The following RBFOX2 variants were observed in gnomAD, a reference collection of about 807,000 sequenced individuals.
The protein encoded by RBFOX2 is RNA binding fox-1 homolog 2.
Under a neutral mutation model 49.1 loss-of-function variants are expected in RBFOX2, and 10 were observed. The ratio of observed to expected loss-of-function variants is 0.20; its 90% CI spans 0.13 to 0.35. RBFOX2 has a LOEUF of 0.35. RBFOX2 is among the 10% of genes least tolerant of loss of function. The pLI is 1.00. For missense variants in RBFOX2, 323 were observed against 486.9 expected (o/e 0.66, Z 3.17); for synonymous variants, 183 against 187.4 (o/e 0.98, Z 0.19).
chr22:35,840,977 G>A (rs1470201053), upstream of RBFOX2, among the ~76,000 whole-genome samples: 1 of 152,134 alleles, frequency 6.6e-6, no homozygotes, highest in East Asian at 1.9e-4. Flanking sequence ...TGCTTGTCCT[G>A]GAAGACCAAA....
chr22:35,761,519 G>C (rs765690680), intron 6 of RBFOX2, 51 bp from the exon 8 acceptor site: 2 of 1,590,092 alleles, frequency 1.3e-6, no homozygotes, highest in Non-Finnish European at 1.7e-6. Context: ...TGAGGAAAGG[G>C]ATGATCAGTG....
intron 1 of RBFOX2, among the ~76,000 whole-genome samples, chr22:35,832,248 C>T (rs1956942652): frequency 6.6e-6 from 1 of 152,006 alleles, no homozygotes; most frequent in African/African-American, 2.4e-5. Context: ...TGACGCACAC[C>T]TGTAGTCCCA....
At chr22:36,010,725 T>C (rs1162677510) in intron 1 of RBFOX2, among the ~76,000 whole-genome samples, 1 of 142,880 alleles carries the variant, frequency 7.0e-6, no homozygotes, top group Non-Finnish European at 1.5e-5. Flanking sequence ...ATCCAATTAC[T>C]GTTCAGTACA....
At chr22:35,883,567 CAGAAAGGCTG>C (rs1244177291) in intron 1 of RBFOX2, among the ~76,000 whole-genome samples, 1 of 152,186 alleles carries the variant, frequency 6.6e-6, no homozygotes, top group East Asian at 1.9e-4. Flanking sequence ...CTCTGCCAAC[CAGAAAGGCTG>C]AGAATTTTCA....
At chr22:36,028,726 C>T (rs1323835741) in exon 1 of RBFOX2, among the ~76,000 whole-genome samples, 1 of 151,644 alleles carries the variant, frequency 6.6e-6, no homozygotes, top group South Asian at 2.1e-4. Flanking sequence ...CGGCCCGCCG[C>T]GCCGCCCCGC....
intron 1 of RBFOX2, among the ~76,000 whole-genome samples, chr22:35,912,413 G>C (rs768588321): frequency 6.6e-6 from 1 of 152,110 alleles, no homozygotes; most frequent in East Asian, 1.9e-4. Context: ...TTTCCTCACC[G>C]CAAGAAAATT....
At chr22:35,983,669 T>C (rs1173087166) in intron 1 of RBFOX2, among the ~76,000 whole-genome samples, 1 of 152,214 alleles carries the variant, frequency 6.6e-6, no homozygotes, top group Non-Finnish European at 1.5e-5. Context: ...AAATCCTGGA[T>C]GGCAAGACCT....
chr22:35,973,565 T>A lies in RBFOX2; in HGVS notation c.187-34668A>T, dbSNP rs148388685. On this transcript the variant is annotated intron_variant, in intron 1 of 13. Coordinates refer to the RBFOX2 transcript ENST00000438146. ...GCAAGTAAAAGGTTTGAGATTAGAT[T>A]AGAACTGTCTGTTGTCAGCCCCTCA... 4.7e-3 allele frequency among the ~76,000 whole-genome samples: 715 copies of A among 152,294 alleles called. 3 individuals are homozygous for A. Among genetic ancestry groups the A allele is most frequent in the Non-Finnish European group, 7.6e-3 (515 of 68,024 alleles).
chr22:36,013,751 CA>C (rs1210383508), intron 1 of RBFOX2, among the ~76,000 whole-genome samples: 1 of 150,506 alleles, frequency 6.6e-6, no homozygotes, highest in East Asian at 1.9e-4. Flanking sequence ...AAGCAAGGAG[CA>C]AAAAATACAG....
At chr22:35,822,982 C>T (rs570787672) in intron 1 of RBFOX2, 13 of 316,434 alleles carry the variant, frequency 4.1e-5, no homozygotes, top group Non-Finnish European at 7.9e-5. Context: ...TGCCACCACG[C>T]CTGGCTAATT....
At position 35,758,780 on chromosome 22, in the gene RBFOX2, G is replaced by T. The variant is rs887002598; in HGVS notation, c.887+1108C>A. On this transcript the variant is annotated intron_variant, in intron 9 of 11. Transcript: ENST00000405409. The stretch of plus-strand genomic sequence containing the variant: ...TGTCTAATAAAAATGTTTTAACTCT[G>T]TGGAATGGAGAACTTCTAATGGTAC... Among the ~76,000 whole-genome samples, 8 of 152,142 alleles carry T rather than the reference G, an allele frequency of 5.3e-5. No individual in the cohort carries two copies. The South Asian group carries it at 1.7e-3, about 32-fold the overall frequency.
intron 1 of RBFOX2, among the ~76,000 whole-genome samples, chr22:35,881,536 C>T (rs369677771): frequency 6.6e-6 from 1 of 151,350 alleles, no homozygotes; most frequent in East Asian, 1.9e-4. Flanking sequence ...GAGCTGTGAT[C>T]GCACCACTGC....
chr22:35,897,899 G>A (rs1029815998), intron 1 of RBFOX2: 2 of 726,722 alleles, frequency 2.8e-6, no homozygotes, highest in Non-Finnish European at 2.6e-6. Context: ...ACATTCAGAT[G>A]TGCAACATGA....
intron 1 of RBFOX2, among the ~76,000 whole-genome samples, chr22:35,925,413 C>T (rs367633122): frequency 6.6e-6 from 1 of 152,012 alleles, no homozygotes; most frequent in African/African-American, 2.4e-5. Flanking sequence ...GCCTGTAGTT[C>T]CAGCTACTTG....
intron 1 of RBFOX2, among the ~76,000 whole-genome samples, chr22:35,854,618 T>C (rs376100341): frequency 9.4e-4 from 143 of 151,712 alleles, no homozygotes; most frequent in African/African-American, 3.3e-3. Context: ...GACTAGAGGA[T>C]ATACACAATA....
rs540481780 is a variant in RBFOX2, at chr22:35,760,125, G to A, written c.755-105C>T. On this transcript the variant is annotated intron_variant, in intron 8 of 11. Coordinates refer to ENST00000405409, the Ensembl canonical transcript of RBFOX2. ...AATTATAGAAAAGATGGAAAGATAC[G>A]AACCACACCTTTTTGGAAAAGGTGG... 52 of 1,448,640 alleles carry A rather than the reference G, an allele frequency of 3.6e-5. No individual in the cohort carries two copies. The South Asian group carries it at 5.6e-4, about 16-fold the overall frequency. 89.7% of individuals were successfully genotyped at this position (1,448,640 alleles called of 1,614,324 possible). A position where few individuals can be genotyped will look rare whatever the true frequency, so the allele number is the denominator to read the frequency against.
At chr22:35,894,832 G>C (rs763822602) in intron 1 of RBFOX2, among the ~76,000 whole-genome samples, 6 of 152,040 alleles carry the variant, frequency 3.9e-5, no homozygotes, top group African/African-American at 7.3e-5. Flanking sequence ...CATCATGTCA[G>C]ATCGGGCTGC....
chr22:35,855,605 T>C (rs374716773), intron 1 of RBFOX2, among the ~76,000 whole-genome samples: 1 of 152,078 alleles, frequency 6.6e-6, no homozygotes, highest in Non-Finnish European at 1.5e-5. Flanking sequence ...CATGGAGCTT[T>C]GCCATGTTGC....
chr22:36,004,780 G>C (rs974758273), intron 1 of RBFOX2, among the ~76,000 whole-genome samples: 1 of 151,992 alleles, frequency 6.6e-6, no homozygotes, highest in African/African-American at 2.4e-5. Flanking sequence ...TGGGCGACAA[G>C]AGTGAAACTC....
Sources: gnomAD v4.1 joint callset for allele counts (sites outside exome capture counted in the v4.1 genomes callset) on GRCh38, gnomAD v4.1.1 for gene constraint, MANE v1.5 for transcripts, NCBI Gene and HGNC (gene_info 2026-07-23, HGNC 2026-07-21) for gene names.